Variants in RAP1GDS1 observed in about 807,000 individuals in gnomAD.
RAP1GDS1 encodes the protein RAP1, GTP-GDP dissociation stimulator 1.
A neutral mutation model predicts 71.1 loss-of-function variants in RAP1GDS1; 35 were observed. The observed-to-expected ratio is 0.49, with a 90% confidence interval of 0.38 to 0.65. The LOEUF is 0.65. Among genes scored for constraint, RAP1GDS1 ranks in the 30% least tolerant of loss-of-function variants. The probability of loss-of-function intolerance (pLI) is 0.00; values close to 1 mark genes in which losing one functional copy is unlikely to be tolerated. For missense variants in RAP1GDS1, 663 were observed against 706.1 expected (o/e 0.94, Z 0.69); for synonymous variants, 229 against 243.1 (o/e 0.94, Z 0.54).
chr4:98,420,263 A>G (rs1008942231), intron 11 of RAP1GDS1, 119 bp downstream of exon 11: 9 of 1,012,584 alleles, frequency 8.9e-6, no homozygotes, highest in Non-Finnish European at 1.2e-5. Flanking sequence ...ATAGCAAATA[A>G]AAGATTTAAA....
At chr4:98,401,114 G>A (rs1466126818) in intron 6 of RAP1GDS1, among the ~76,000 whole-genome samples, 1 of 152,180 alleles carries the variant, frequency 6.6e-6, no homozygotes, top group African/African-American at 2.4e-5. Flanking sequence ...CATGTGGCAT[G>A]CTTTCAAGAA....
At chr4:98,433,410 T>G (rs1044269710) in intron 12 of RAP1GDS1, among the ~76,000 whole-genome samples, 2 of 152,024 alleles carry the variant, frequency 1.3e-5, no homozygotes, top group African/African-American at 4.8e-5. Flanking sequence ...GTCTCCCACC[T>G]CAGCACCCTG....
chr4:98,436,647 T>C (rs1422393349), intron 13 of RAP1GDS1, among the ~76,000 whole-genome samples: 1 of 152,244 alleles, frequency 6.6e-6, no homozygotes, highest in East Asian at 1.9e-4. Flanking sequence ...TTATACCATC[T>C]TTTCTGATTT....
At chr4:98,424,386 A>G (rs1260605733) in intron 12 of RAP1GDS1, among the ~76,000 whole-genome samples, 1 of 152,222 alleles carries the variant, frequency 6.6e-6, no homozygotes, top group African/African-American at 2.4e-5. Flanking sequence ...AACACTAACA[A>G]TAGCTGATGA....
intron 7 of RAP1GDS1, among the ~76,000 whole-genome samples, chr4:98,410,453 A>G (rs1189887789): frequency 2.0e-5 from 3 of 152,284 alleles, no homozygotes; most frequent in East Asian, 1.9e-4. Context: ...AATTGGTACA[A>G]TTGGGAAGTA....
intron 2 of RAP1GDS1, among the ~76,000 whole-genome samples, chr4:98,299,657 CAG>C (rs1728285699): frequency 6.8e-6 from 1 of 147,698 alleles, no homozygotes; most frequent in Non-Finnish European, 1.5e-5. Flanking sequence ...TTTTTTGAGA[CAG>C]AGTCTCACTC....
chr4:98,313,766 C>T (rs545507365), intron 2 of RAP1GDS1, among the ~76,000 whole-genome samples: 9 of 152,092 alleles, frequency 5.9e-5, no homozygotes, highest in African/African-American at 1.7e-4. Flanking sequence ...AGGATCACTT[C>T]GGCCCAGGAG....
intron 1 of RAP1GDS1, among the ~76,000 whole-genome samples, chr4:98,275,018 CTGTGTG>C (rs3974887): frequency 1.2e-4 from 17 of 144,922 alleles, no homozygotes; most frequent in South Asian, 4.4e-4. Context: ...TTGTTTGCAG[CTGTGTG>C]TGTGTGTGTG....
chr4:98,392,729 C>A (rs566946795), intron 6 of RAP1GDS1, among the ~76,000 whole-genome samples: 26 of 152,246 alleles, frequency 1.7e-4, no homozygotes, highest in African/African-American at 5.8e-4. Context: ...TATTACATTT[C>A]ATATAAATTG....
chr4:98,390,259 G>T (rs1180608356), intron 5 of RAP1GDS1, among the ~76,000 whole-genome samples: 1 of 151,960 alleles, frequency 6.6e-6, no homozygotes, highest in Non-Finnish European at 1.5e-5. Context: ...TAACACTATT[G>T]TGTAAGTATT....
At chr4:98,350,219 A>G (rs1429999859) in intron 3 of RAP1GDS1, among the ~76,000 whole-genome samples, 2 of 152,256 alleles carry the variant, frequency 1.3e-5, no homozygotes, top group Non-Finnish European at 2.9e-5. Flanking sequence ...CCATTGCCTG[A>G]ATAGCAATAA....
chr4:98,359,881 G>A (rs79476839), intron 4 of RAP1GDS1, among the ~76,000 whole-genome samples: 2,837 of 152,220 alleles, frequency 0.019, 83 homozygotes, highest in African/African-American at 0.061. Flanking sequence ...CAGAGAGAAC[G>A]AAATTATATT....
chr4:98,435,038 G>A (rs1750954038), intron 13 of RAP1GDS1, among the ~76,000 whole-genome samples: 1 of 152,198 alleles, frequency 6.6e-6, no homozygotes, highest in South Asian at 2.1e-4. Context: ...GTCAGCCAGG[G>A]ATGGTGTAAT....
chr4:98,385,614 G>C (rs1175763464), intron 5 of RAP1GDS1, among the ~76,000 whole-genome samples: 2 of 151,794 alleles, frequency 1.3e-5, no homozygotes, highest in South Asian at 4.1e-4. Context: ...GTAAAATCCA[G>C]TTAATACTGT....
At chr4:98,281,136 A>G (rs1238745717) in intron 1 of RAP1GDS1, among the ~76,000 whole-genome samples, 3 of 151,564 alleles carry the variant, frequency 2.0e-5, no homozygotes, top group South Asian at 4.2e-4. Flanking sequence ...GTTTTTTCCA[A>G]TTCTGTGAAG....
intron 2 of RAP1GDS1, among the ~76,000 whole-genome samples, chr4:98,331,885 TTTA>T (rs1282138348): frequency 1.3e-5 from 2 of 152,184 alleles, no homozygotes; most frequent in South Asian, 2.1e-4. Flanking sequence ...ATCAGTCTTT[TTTA>T]TTATTATTAT....
At chr4:98,342,826 A>G (rs532068716) in intron 2 of RAP1GDS1, among the ~76,000 whole-genome samples, 1 of 152,334 alleles carries the variant, frequency 6.6e-6, no homozygotes, top group Admixed American at 6.5e-5. Flanking sequence ...TATATTCTGA[A>G]TAGACAGGGT....
At chr4:98,325,010 G>A (rs981987424) in intron 2 of RAP1GDS1, among the ~76,000 whole-genome samples, 10 of 149,704 alleles carry the variant, frequency 6.7e-5, no homozygotes, top group South Asian at 4.2e-4. Flanking sequence ...GAAAATTTTC[G>A]CAACCTACTC....
intron 5 of RAP1GDS1, among the ~76,000 whole-genome samples, chr4:98,384,103 C>T (rs1381119601): frequency 1.3e-5 from 2 of 151,252 alleles, no homozygotes; most frequent in African/African-American, 2.4e-5. Flanking sequence ...TAAAGTTTTT[C>T]TTCTTTCTCA....
Sources: gnomAD v4.1 joint callset for allele counts (sites outside exome capture counted in the v4.1 genomes callset) on GRCh38, gnomAD v4.1.1 for gene constraint, MANE v1.5 for transcripts, NCBI Gene and HGNC (gene_info 2026-07-23, HGNC 2026-07-21) for gene names.